POLR3B: variants seen among roughly 807,000 people sequenced by gnomAD.
The protein encoded by POLR3B is DNA-directed RNA polymerase III subunit RPC2.
Under a neutral mutation model 147.4 loss-of-function variants are expected in POLR3B, and 96 were observed. The observed-to-expected ratio is 0.65, with a 90% CI of 0.55 to 0.77. The LOEUF (loss-of-function observed/expected upper bound fraction) is 0.77, where lower values mean the gene tolerates loss of function less well. Among genes scored for constraint, POLR3B ranks in the 30% least tolerant of loss-of-function variants. The pLI is 0.00. For missense variants in POLR3B, 1,036 were observed against 1,413.5 expected (o/e 0.73, Z 4.28); for synonymous variants, 461 against 485.9 (o/e 0.95, Z 0.67).
chr12:106,418,478 G>C (rs970107416), intron 12 of POLR3B, among the ~76,000 whole-genome samples: 7 of 152,132 alleles, frequency 4.6e-5, no homozygotes, highest in Admixed American at 4.6e-4. Flanking sequence ...AGGAGAATTT[G>C]GCACTCTGTA....
intron 23 of POLR3B, among the ~76,000 whole-genome samples, chr12:106,492,717 G>C (rs189938812): frequency 1.3e-5 from 2 of 152,318 alleles, no homozygotes; most frequent in African/African-American, 4.8e-5. Context: ...AGCTGTGATA[G>C]TGGATGTCAG....
chr12:106,431,886 A>AT (rs1218575138), intron 14 of POLR3B, among the ~76,000 whole-genome samples: 1 of 152,156 alleles, frequency 6.6e-6, no homozygotes, highest in East Asian at 1.9e-4. Context: ...CAGTTATTTT[A>AT]TACAGTCTCT....
intron 8 of POLR3B, among the ~76,000 whole-genome samples, chr12:106,379,468 T>TCACAC (rs2036729945): frequency 6.6e-6 from 1 of 152,254 alleles, no homozygotes; most frequent in Non-Finnish European, 1.5e-5. Context: ...CAATGCGTAG[T>TCACAC]AGCAGGTAAT....
chr12:106,452,295 A>G (rs933959244), intron 19 of POLR3B, among the ~76,000 whole-genome samples: 8 of 152,206 alleles, frequency 5.3e-5, no homozygotes, highest in Non-Finnish European at 1.2e-4. Flanking sequence ...CAAGTTCTTT[A>G]AAAGGCCTTT....
At chr12:106,371,136 A>G (rs1187841016) in intron 6 of POLR3B, among the ~76,000 whole-genome samples, 3 of 151,938 alleles carry the variant, frequency 2.0e-5, no homozygotes, top group Non-Finnish European at 2.9e-5. Flanking sequence ...AAGGACATGA[A>G]CAGACACTTC....
chr12:106,477,787 C>T (rs367988426), intron 23 of POLR3B, among the ~76,000 whole-genome samples: 4 of 151,914 alleles, frequency 2.6e-5, no homozygotes, highest in Admixed American at 1.3e-4. Flanking sequence ...GAGATGAACC[C>T]GGTACCTCAG....
In POLR3B at chr12:106,509,486, C is replaced by A; in HGVS notation, c.3339C>A (p.Leu1113=). ...GTATTCCGTATGCCTGCAAGCTGCT[C>A]TTCCAGGAACTACAGTCTATGAACA... ...SLRIPYACKL[L]FQELQSMNII... Residue 1113 remains leucine, a synonymous_variant, in exon 28 of 28, where the codon CTC becomes CTA. Transcript: ENST00000228347. 1 of 1,613,296 alleles carries A rather than the reference C, an allele frequency of 6.2e-7. No individual in the cohort carries two copies. Among genetic ancestry groups the A allele is most frequent in the Non-Finnish European group, 8.5e-7 (1 of 1,179,256 alleles).
At chr12:106,370,439 T>C (rs972124320) in intron 6 of POLR3B, among the ~76,000 whole-genome samples, 9 of 152,156 alleles carry the variant, frequency 5.9e-5, no homozygotes, top group Non-Finnish European at 1.0e-4. Context: ...TGGCACCATT[T>C]GGTAAGGGGT....
intron 26 of POLR3B, 92 bp downstream of exon 26, chr12:106,501,528 T>C (rs1351607476): frequency 1.2e-6 from 1 of 805,184 alleles, no homozygotes; most frequent in Non-Finnish European, 2.1e-6. Flanking sequence ...TCAACAAAGT[T>C]TCTGTTTTCC....
In POLR3B at chr12:106,437,130, AG is replaced by A; in HGVS notation, c.1856+1del. 6.2e-7 allele frequency: 1 copy of A among 1,609,180 alleles called. No homozygotes were observed. The highest frequency in any genetic ancestry group is 1.3e-5 in the African/African-American group (1 of 74,988). ...TATGGAAGAGCTGGCCCAAGGGTAC[AG>A]GTAAGTAGCCAAAAGTAAAACTTAC... Reference protein sequence around the residue: ...KHMEELAQGYRNFEDFLHESL... With the variant: ...KHMEELAQGYXNFEDFLHESL... On this transcript the variant is annotated frameshift_variant and splice_region_variant, in exon 17 of 28. Coordinates refer to ENST00000228347, the MANE Select transcript of POLR3B (RefSeq NM_018082.6). LOFTEE classifies it high-confidence loss of function.
chr12:106,391,581 G>A (rs2036915233), intron 9 of POLR3B, among the ~76,000 whole-genome samples: 1 of 152,144 alleles, frequency 6.6e-6, no homozygotes. Context: ...TTTTTAGAAT[G>A]CAGACCACTG....
intron 6 of POLR3B, among the ~76,000 whole-genome samples, chr12:106,371,755 C>CA (rs1397717063): frequency 7.1e-6 from 1 of 140,964 alleles, no homozygotes; most frequent in African/African-American, 2.7e-5. Flanking sequence ...CACATGGACA[C>CA]ACGAAGGGGA....
chr12:106,362,508 A>G (rs1168165846), intron 1 of POLR3B, among the ~76,000 whole-genome samples: 5 of 152,296 alleles, frequency 3.3e-5, no homozygotes, highest in Non-Finnish European at 7.4e-5. Context: ...GCCGTCCCCT[A>G]CTACAGGTGT....
intron 12 of POLR3B, among the ~76,000 whole-genome samples, chr12:106,424,420 T>C (rs1446753474): frequency 6.6e-6 from 1 of 152,206 alleles, no homozygotes; most frequent in African/African-American, 2.4e-5. Flanking sequence ...TTTCTCCTGA[T>C]AGTTTTATTT....
At chr12:106,448,083 C>T (rs777099068) in intron 19 of POLR3B, among the ~76,000 whole-genome samples, 1 of 152,012 alleles carries the variant, frequency 6.6e-6, no homozygotes, top group Non-Finnish European at 1.5e-5. Flanking sequence ...TATTCTTTGT[C>T]CGTTTAAGGG....
intron 8 of POLR3B, among the ~76,000 whole-genome samples, chr12:106,379,463 C>A (rs2036729781): frequency 6.6e-6 from 1 of 152,146 alleles, no homozygotes; most frequent in South Asian, 2.1e-4. Flanking sequence ...GGTAACAATG[C>A]GTAGTAGCAG....
At chr12:106,377,601 T>G (rs1237549196) in intron 7 of POLR3B, among the ~76,000 whole-genome samples, 1 of 152,238 alleles carries the variant, frequency 6.6e-6, no homozygotes, top group Non-Finnish European at 1.5e-5. Context: ...TAGAGTAAAT[T>G]TGAGCTTATA....
intron 23 of POLR3B, among the ~76,000 whole-genome samples, chr12:106,471,955 G>A (rs2038098765): frequency 6.7e-6 from 1 of 148,598 alleles, no homozygotes; most frequent in Admixed American, 6.7e-5. Flanking sequence ...CTGGTGCGCT[G>A]CACCCACTAA....
intron 19 of POLR3B, among the ~76,000 whole-genome samples, chr12:106,451,773 G>A (rs1323638889): frequency 1.3e-5 from 2 of 151,962 alleles, no homozygotes; most frequent in African/African-American, 2.4e-5. Flanking sequence ...TCCTTACCAA[G>A]CTTTTTCATG....
Sources: allele counts gnomAD v4.1 joint callset (sites outside exome capture counted in the v4.1 genomes callset), GRCh38; gene constraint gnomAD v4.1.1; transcripts MANE v1.5; gene names NCBI Gene and HGNC (gene_info 2026-07-23, HGNC 2026-07-21).